The following GFRA2 variants were observed in gnomAD, a reference collection of about 807,000 sequenced individuals.
GFRA2 encodes GDNF family receptor alpha-2.
A neutral mutation model predicts 48.3 loss-of-function variants in GFRA2; 17 were observed. The observed-to-expected ratio is 0.35, with a 90% confidence interval of 0.24 to 0.53. GFRA2 has a LOEUF of 0.53. GFRA2 is among the 20% of genes least tolerant of loss of function. The pLI is 0.93. For missense variants in GFRA2, 660 were observed against 637.3 expected, an observed-to-expected ratio of 1.04 and a Z score of -0.38; for synonymous variants, 305 against 257.2, an observed-to-expected ratio of 1.19 and a Z score of -1.78.
intron 8 of GFRA2, among the ~76,000 whole-genome samples, chr8:21,693,710 C>A (rs1801987199): frequency 4.9e-5 from 1 of 20,358 alleles, no homozygotes; most frequent in Non-Finnish European, 1.0e-4. Context: ...GGACCTGCGT[C>A]CCAGTGAGGA....
chr8:21,735,320 T>A (rs1196004702), intron 4 of GFRA2, among the ~76,000 whole-genome samples: 1 of 152,084 alleles, frequency 6.6e-6, no homozygotes, highest in Non-Finnish European at 1.5e-5. Context: ...CCTTTCTATA[T>A]AGCATACATC....
upstream of GFRA2, among the ~76,000 whole-genome samples, chr8:21,790,889 G>A (rs1172683840): frequency 1.3e-5 from 2 of 152,184 alleles, no homozygotes; most frequent in African/African-American, 4.8e-5. Flanking sequence ...GATAAAACTT[G>A]ACAGGAATTA....
intron 4 of GFRA2, among the ~76,000 whole-genome samples, chr8:21,737,507 G>A (rs2117530187): frequency 6.6e-6 from 1 of 152,258 alleles, no homozygotes; most frequent in South Asian, 2.1e-4. Flanking sequence ...TGGTAGGTGT[G>A]GTGCCTGGGA....
At chr8:21,742,208 T>C (rs1365514579) in intron 4 of GFRA2, among the ~76,000 whole-genome samples, 1 of 152,206 alleles carries the variant, frequency 6.6e-6, no homozygotes, top group Non-Finnish European at 1.5e-5. Context: ...ATCTCCAGCG[T>C]GATGGTATTT....
intron 1 of GFRA2, among the ~76,000 whole-genome samples, chr8:21,809,434 C>T (rs904457996): frequency 1.3e-5 from 2 of 152,310 alleles, no homozygotes; most frequent in East Asian, 3.9e-4. Context: ...ACGCCATTCT[C>T]CTGCCTCAGC....
chr8:21,732,166 C>T (rs1164740823), intron 4 of GFRA2, among the ~76,000 whole-genome samples: 2 of 152,260 alleles, frequency 1.3e-5, no homozygotes, highest in African/African-American at 4.8e-5. Context: ...CCTAGAGACA[C>T]AGCAGGGGAG....
rs1801864862 is a variant in GFRA2, at chr8:21,691,016, G to A, written c.*2262C>T. The A allele has an allele frequency of 6.6e-6, 1 of 152,194 alleles. No homozygotes were observed. Among genetic ancestry groups the A allele is most frequent in the African/African-American group, 2.4e-5 (1 of 41,436 alleles). The allele number at this position is 152,194 out of a possible 1,614,324, so 9.4% of individuals were successfully genotyped here. ...CTGTACCCCTTCCATGCAGAGGCTG[G>A]AAGGCAATACACCACAGTGATAAAC... On this transcript the variant is annotated 3_prime_UTR_variant, in exon 9 of 9. Coordinates refer to ENST00000524240, the MANE Select transcript of GFRA2 (RefSeq NM_001495.5).
rs1309695439 is a variant in GFRA2 at position 21,692,324 on chromosome 8, G to A, written c.*954C>T. On this transcript the variant is annotated 3_prime_UTR_variant, in exon 9 of 9. Transcript: ENST00000524240. The stretch of plus-strand genomic sequence containing the variant: ...GGAGCCCCGGTATGTACATACAGTT[G>A]ACGTACGTCTAGGAAATGAGGAAAG... 2.6e-5 allele frequency: 4 copies of A among 152,164 alleles called. No individual in the cohort carries two copies. The highest frequency in any genetic ancestry group is 9.7e-5 in the African/African-American group (4 of 41,342). 9.4% of individuals were successfully genotyped at this position (152,164 alleles called of 1,614,324 possible).
chr8:21,748,895 A>T (rs2117585071), intron 4 of GFRA2, among the ~76,000 whole-genome samples: 1 of 151,788 alleles, frequency 6.6e-6, no homozygotes, highest in South Asian at 2.1e-4. Flanking sequence ...GCCCTCTCCC[A>T]CTTCCACCCT....
intron 3 of GFRA2, among the ~76,000 whole-genome samples, chr8:21,762,308 T>C (rs1276537323): frequency 6.6e-6 from 1 of 152,154 alleles, no homozygotes; most frequent in Non-Finnish European, 1.5e-5. Context: ...TAGCAGAGCC[T>C]TGCCTCCCAG....
intron 2 of GFRA2, among the ~76,000 whole-genome samples, chr8:21,797,090 A>G (rs1807690197): frequency 6.6e-6 from 1 of 152,122 alleles, no homozygotes; most frequent in South Asian, 2.1e-4. Context: ...CTAACCCCAA[A>G]TTCCCTATTT....
At chr8:21,751,963 C>T (rs757236616) in intron 3 of GFRA2, among the ~76,000 whole-genome samples, 3 of 152,202 alleles carry the variant, frequency 2.0e-5, no homozygotes, top group South Asian at 2.1e-4. Flanking sequence ...GCTCAGCCAT[C>T]GGCGTTCAAC....
At chr8:21,738,808 G>A (rs1804611180) in intron 4 of GFRA2, among the ~76,000 whole-genome samples, 1 of 152,238 alleles carries the variant, frequency 6.6e-6, no homozygotes, top group African/African-American at 2.4e-5. Flanking sequence ...GCCAGGGCAA[G>A]CCTGTGGGCG....
intron 7 of GFRA2, among the ~76,000 whole-genome samples, chr8:21,696,591 G>T (rs1429465105): frequency 6.6e-6 from 1 of 152,158 alleles, no homozygotes; most frequent in East Asian, 1.9e-4. Flanking sequence ...AGCTGGCAAA[G>T]CAACCAGCAC....
rs1015475829 is a variant in GFRA2 at position 21,782,589 on chromosome 8, G to C, written c.351C>G (p.Thr117=). 2 of 1,571,070 alleles carry C rather than the reference G, an allele frequency of 1.3e-6. No homozygotes were observed. Among genetic ancestry groups the C allele is most frequent in the Non-Finnish European group, 1.7e-6 (2 of 1,157,496 alleles). ...GCAAGCCCCGCCCAGGCTTACCCTCGGTCAGCCCCAGGTGGATGCTCCAGT... is the reference window on the plus strand; with the variant it reads ...GCAAGCCCCGCCCAGGCTTACCCTCCGTCAGCCCCAGGTGGATGCTCCAGT... ...QIYWSIHLGL[T]EGEEFYEASP... The change falls in exon 2 of 9, where the codon ACC becomes ACG. Residue 117 remains threonine, a synonymous_variant. Transcript: ENST00000524240.
chr8:21,735,984 G>T (rs980184029), intron 4 of GFRA2, among the ~76,000 whole-genome samples: 22 of 152,182 alleles, frequency 1.4e-4, no homozygotes, highest in African/African-American at 4.8e-4. Flanking sequence ...AACTGAAACT[G>T]CCCAGAAACA....
In GFRA2 at chr8:21,795,654, A is replaced by C. The variant is rs201303984; in HGVS notation, c.-35-7460T>G. 1.4e-3 allele frequency among the ~76,000 whole-genome samples: 214 copies of C among 152,290 alleles called. 5 individuals are homozygous for C. In the East Asian group the frequency reaches 0.03, roughly 22 times the overall value. On this transcript the variant is annotated intron_variant, in intron 2 of 10. Transcript: ENST00000517328. ...GTGATCCACCCACCTCGGCCTCCCA[A>C]AGTGCTGGGAGTACAGGCATGAGCC...
intron 4 of GFRA2, among the ~76,000 whole-genome samples, chr8:21,731,042 G>A (rs4342583): frequency 0.59 from 90,265 of 151,724 alleles, 28,640 homozygotes; most frequent in African/African-American, 0.84. Context: ...CTCGGCTCGC[G>A]TGTCCCCTCA....
At chr8:21,729,159 T>C (rs1420387383) in intron 4 of GFRA2, among the ~76,000 whole-genome samples, 1 of 152,130 alleles carries the variant, frequency 6.6e-6, no homozygotes, top group African/African-American at 2.4e-5. Flanking sequence ...CTGGCTGAGC[T>C]GTGGGGCATT....
Sources: allele counts gnomAD v4.1 joint callset (sites outside exome capture counted in the v4.1 genomes callset), GRCh38; gene constraint gnomAD v4.1.1; transcripts MANE v1.5; gene names NCBI Gene and HGNC (gene_info 2026-07-23, HGNC 2026-07-21).